PRKN: variants seen among roughly 807,000 people sequenced by gnomAD.
The protein encoded by PRKN is E3 ubiquitin-protein ligase parkin.
PRKN carries 56 observed loss-of-function variants against 59.5 expected under a neutral mutation model. That is an observed-to-expected ratio of 0.94 (90% CI 0.76 to 1.18). The LOEUF (loss-of-function observed/expected upper bound fraction) is 1.18, where lower values mean the gene tolerates loss of function less well. Ranked by LOEUF, PRKN falls within the 50% of genes most tolerant of loss-of-function variation. The pLI, the probability that PRKN is intolerant of heterozygous loss-of-function variation, is 0.00. For missense variants in PRKN, 657 were observed against 596.4 expected (o/e 1.10, Z -1.06); for synonymous variants, 250 against 222.1 (o/e 1.13, Z -1.12).
intron 4 of PRKN, among the ~76,000 whole-genome samples, chr6:162,187,310 G>A (rs1390184103): frequency 6.6e-6 from 1 of 152,152 alleles, no homozygotes; most frequent in Non-Finnish European, 1.5e-5. Flanking sequence ...AACTTGTACA[G>A]GAGCCAATGA....
intron 2 of PRKN, among the ~76,000 whole-genome samples, chr6:162,400,259 T>G (rs916612198): frequency 2.0e-5 from 3 of 150,682 alleles, no homozygotes; most frequent in African/African-American, 4.9e-5. Context: ...AAGATTTGAA[T>G]CTACATATGG....
At chr6:162,233,566 T>C (rs570943977) in intron 3 of PRKN, among the ~76,000 whole-genome samples, 3 of 152,354 alleles carry the variant, frequency 2.0e-5, no homozygotes, top group Admixed American at 6.5e-5. Context: ...CCTCATTTTA[T>C]AGACAAAGAT....
intron 4 of PRKN, among the ~76,000 whole-genome samples, chr6:162,140,894 C>T (rs2128310795): frequency 6.6e-6 from 1 of 152,168 alleles, no homozygotes; most frequent in East Asian, 1.9e-4. Flanking sequence ...TTTGGGAGGC[C>T]GAGGCGGGCA....
chr6:162,004,145 G>A (rs1054390227), intron 5 of PRKN, among the ~76,000 whole-genome samples: 2 of 152,272 alleles, frequency 1.3e-5, no homozygotes, highest in Non-Finnish European at 2.9e-5. Flanking sequence ...GGATCATGTG[G>A]TTGAATTTAT....
At chr6:162,376,442 GC>G (rs756924883) in intron 2 of PRKN, among the ~76,000 whole-genome samples, 19 of 151,726 alleles carry the variant, frequency 1.3e-4, no homozygotes, top group Non-Finnish European at 2.6e-4. Context: ...ATGTTTCCCC[GC>G]CGTGTAGAAA....
intron 6 of PRKN, among the ~76,000 whole-genome samples, chr6:161,899,045 G>A (rs1777777048): frequency 6.6e-6 from 1 of 152,224 alleles, no homozygotes; most frequent in Non-Finnish European, 1.5e-5. Flanking sequence ...GAGGTTGGCA[G>A]CTGGCTGCAC....
chr6:162,724,176 T>C (rs903444302), intron 1 of PRKN, among the ~76,000 whole-genome samples: 8 of 152,234 alleles, frequency 5.3e-5, no homozygotes, highest in Admixed American at 2.0e-4. Flanking sequence ...ATATTTTTAA[T>C]AGAGGTACCA....
At chr6:162,256,787 G>T (rs1393632248) in intron 3 of PRKN, among the ~76,000 whole-genome samples, 1 of 152,156 alleles carries the variant, frequency 6.6e-6, no homozygotes, top group East Asian at 1.9e-4. Context: ...AGGCCTCATG[G>T]AGTCTTGAAT....
At chr6:162,409,603 C>A (rs1788252338) in intron 2 of PRKN, among the ~76,000 whole-genome samples, 1 of 152,136 alleles carries the variant, frequency 6.6e-6, no homozygotes, top group African/African-American at 2.4e-5. Context: ...TTGAACATAT[C>A]CTTTTAATAA....
At chr6:162,601,194 C>T (rs1020584829) in intron 1 of PRKN, among the ~76,000 whole-genome samples, 2 of 152,100 alleles carry the variant, frequency 1.3e-5, no homozygotes, top group African/African-American at 4.8e-5. Flanking sequence ...CTCTCTTCTT[C>T]TAAAGCCGCC....
At chr6:162,172,246 T>C (rs550812875) in intron 4 of PRKN, among the ~76,000 whole-genome samples, 2 of 152,208 alleles carry the variant, frequency 1.3e-5, no homozygotes, top group South Asian at 4.1e-4. Flanking sequence ...GGCTAGCCAG[T>C]AGGCAGAAAT....
intron 1 of PRKN, among the ~76,000 whole-genome samples, chr6:162,624,145 G>C (rs749865969): frequency 6.6e-6 from 1 of 151,856 alleles, no homozygotes; most frequent in Non-Finnish European, 1.5e-5. Flanking sequence ...CTACTCGGGA[G>C]GCTGAGGCAG....
chr6:161,781,631 C>T (rs79471471), intron 7 of PRKN, among the ~76,000 whole-genome samples: 2,806 of 152,206 alleles, frequency 0.018, 82 homozygotes, highest in African/African-American at 0.064. Context: ...AGTTAATTTA[C>T]GCACATTCTT....
chr6:162,489,646 TG>T (rs1035798535), intron 1 of PRKN, among the ~76,000 whole-genome samples: 14 of 152,198 alleles, frequency 9.2e-5, no homozygotes, highest in Admixed American at 2.0e-4. Flanking sequence ...ATAAGTATGT[TG>T]GGGGCAGCAA....
intron 1 of PRKN, among the ~76,000 whole-genome samples, chr6:162,450,345 T>C (rs758133721): frequency 4.8e-4 from 43 of 90,040 alleles, no homozygotes; most frequent in African/African-American, 1.2e-3. Flanking sequence ...GTGATTGTAA[T>C]CCCCCTGTGA....
chr6:161,759,955 A>C (rs1789120737), intron 7 of PRKN, among the ~76,000 whole-genome samples: 1 of 152,110 alleles, frequency 6.6e-6, no homozygotes, highest in African/African-American at 2.4e-5. Flanking sequence ...TTATACTTTC[A>C]GTGAACGAGG....
chr6:162,026,877 A>G (rs998678989), intron 5 of PRKN, among the ~76,000 whole-genome samples: 1 of 152,186 alleles, frequency 6.6e-6, no homozygotes, highest in Non-Finnish European at 1.5e-5. Flanking sequence ...TTCATAAAAT[A>G]ATGATGGTGA....
chr6:161,827,509 C>CTTTTTTTTT (rs5881438), intron 6 of PRKN, among the ~76,000 whole-genome samples: 1 of 124,920 alleles, frequency 8.0e-6, no homozygotes. Context: ...ATTGATTTTA[C>CTTTTTTTTT]TTTTTTTTTT....
At chr6:162,316,116 A>C (rs531520192) in intron 2 of PRKN, among the ~76,000 whole-genome samples, 1 of 152,066 alleles carries the variant, frequency 6.6e-6, no homozygotes, top group Non-Finnish European at 1.5e-5. Flanking sequence ...AGTTCTGCAA[A>C]AGGGATAGGA....
Sources: gnomAD v4.1 joint callset for allele counts (sites outside exome capture counted in the v4.1 genomes callset) on GRCh38, gnomAD v4.1.1 for gene constraint, MANE v1.5 for transcripts, NCBI Gene and HGNC (gene_info 2026-07-23, HGNC 2026-07-21) for gene names.